Variants in MAPKBP1 observed in about 807,000 individuals in gnomAD.
MAPKBP1 encodes the protein mitogen-activated protein kinase-binding protein 1.
Under a neutral mutation model 170.5 loss-of-function variants are expected in MAPKBP1, and 71 were observed. The ratio of observed to expected loss-of-function variants is 0.42; its 90% CI spans 0.34 to 0.51. The LOEUF (loss-of-function observed/expected upper bound fraction) is 0.51, where lower values mean the gene tolerates loss of function less well. Among genes scored for constraint, MAPKBP1 ranks in the 20% least tolerant of loss-of-function variants. The pLI, the probability that MAPKBP1 is intolerant of heterozygous loss-of-function variation, is 0.06. For missense variants in MAPKBP1, 1,598 were observed against 1,933.0 expected, an observed-to-expected ratio of 0.83 and a Z score of 3.25; for synonymous variants, 719 against 757.9, an observed-to-expected ratio of 0.95 and a Z score of 0.84.
In MAPKBP1 at chr15:41,817,971, A is replaced by G. The variant is rs780926273; in HGVS notation, c.1905-38A>G. 1.9e-6 allele frequency: 3 copies of G among 1,599,846 alleles called. No homozygotes were observed. The highest frequency in any genetic ancestry group is 2.2e-5 in the South Asian group (2 of 90,700). On this transcript the variant is annotated intron_variant, in intron 16 of 30. Transcript: ENST00000457542. This position sits in a 1 kb window ranked among gnomAD's most constrained non-coding sequence, Gnocchi z 4.2. ...CATCCCCCAGGCGTGTTCCACCTTC[A>G]CCGCCTCCTCATGAGAAAGAGACTA...
chr15:41,791,145 A>T (rs1046638835), intron 2 of MAPKBP1, among the ~76,000 whole-genome samples: 1 of 152,210 alleles, frequency 6.6e-6, no homozygotes, highest in Non-Finnish European at 1.5e-5. Context: ...TTTGGCTGGA[A>T]TGACTTACAA....
rs2064878886 is a variant in MAPKBP1, at chr15:41,815,680, G to C, written c.1374G>C (p.Glu458Asp). ...DGNTQALLDTELPGGDKADAS... is the reference protein window; with the variant it reads ...DGNTQALLDTDLPGGDKADAS... ...ACACCCAGGCCCTGCTGGACACAGA[G>C]CTGCCTGGAGGAGACAAAGCTGATG... Residue 458 changes from glutamate (E) to aspartate (D), a missense_variant, in exon 12 of 31, where the codon GAG becomes GAC. Glu to Asp is a conservative substitution (Grantham distance 45). Around this residue, in one of 6 missense-constraint regions of MAPKBP1, gnomAD observed 430 missense variants for 617.2 expected, o/e 0.70. Coordinates refer to ENST00000457542, the MANE Select transcript of MAPKBP1 (RefSeq NM_014994.3). 2.5e-6 allele frequency: 4 copies of C among 1,614,018 alleles called. No individual in the cohort carries two copies. In the South Asian group the frequency reaches 4.4e-5, roughly 18 times the overall value.
chr15:41,821,800 A>G (rs377379452), intron 24 of MAPKBP1, 50 bp downstream of exon 24: 60 of 1,575,118 alleles, frequency 3.8e-5, no homozygotes, highest in African/African-American at 3.6e-4. Context: ...TCCCCTCCCT[A>G]TGAGTGTTCT....
Position 41,822,230 on chromosome 15 carries a change from G to C in MAPKBP1, c.3037G>C (p.Glu1013Gln). ...SSPEHPTEDS[E>Q]STEPLSVDGI... ...TCTCCCCTCCCCACACCCAGACTCT[G>C]AGAGCACGGAGCCCCTCAGTGTGGA... The change falls in exon 26 of 31, where the codon GAG becomes CAG. Residue 1013 changes from glutamate to glutamine, a missense_variant. Coordinates refer to ENST00000457542, the MANE Select transcript of MAPKBP1 (RefSeq NM_014994.3). 1 of 1,612,230 alleles carries C rather than the reference G, an allele frequency of 6.2e-7. No individual in the cohort carries two copies. The highest frequency in any genetic ancestry group is 2.2e-5 in the East Asian group (1 of 44,826).
At position 41,811,617 on chromosome 15, in the gene MAPKBP1, G is replaced by A. The variant is rs1000202086; in HGVS notation, c.328-340G>A. ...TGCTGGGCTCAGGAGGAACGCTTCT[G>A]TCCTGGCGGCGTAGTCTTACTAGGG... is the stretch of plus-strand genomic sequence containing the variant. On this transcript the variant is annotated intron_variant, in intron 5 of 30. Transcript: ENST00000457542. 3 of 616,686 alleles carry A rather than the reference G, an allele frequency of 4.9e-6. No individual in the cohort carries two copies. The African/African-American group carries it at 5.4e-5, about 11-fold the overall frequency. 38.2% of individuals were successfully genotyped at this position (616,686 alleles called of 1,614,324 possible).
intron 2 of MAPKBP1, among the ~76,000 whole-genome samples, chr15:41,796,114 G>T (rs1171042387): frequency 6.6e-6 from 1 of 152,202 alleles, no homozygotes; most frequent in Non-Finnish European, 1.5e-5. Flanking sequence ...GTGAGCCTTT[G>T]CTGATTTCCA....
chr15:41,821,071 G>A lies in MAPKBP1; in HGVS notation c.2718+3G>A. 1.9e-6 allele frequency: 3 copies of A among 1,613,484 alleles called. No individual in the cohort carries two copies. Among genetic ancestry groups the A allele is most frequent in the Non-Finnish European group, 2.5e-6 (3 of 1,179,688 alleles). On this transcript the variant is annotated splice_donor_region_variant and intron_variant, in intron 23 of 30. Transcript: ENST00000457542. ...TTGAGACTTCACTCACTAGCCAGGT[G>A]AGCCTGCTTTCTCCCAGCTCTCTAG...
chr15:41,821,883 C>G, intron 24 of MAPKBP1, 82 bp from the exon 25 acceptor site: 1 of 1,572,608 alleles, frequency 6.4e-7, no homozygotes, highest in Non-Finnish European at 8.7e-7. Flanking sequence ...CATCCCTCAC[C>G]CTGATCACAG....
intron 2 of MAPKBP1, among the ~76,000 whole-genome samples, chr15:41,796,043 G>T (rs190202360): frequency 2.0e-5 from 3 of 152,350 alleles, no homozygotes; most frequent in Non-Finnish European, 4.4e-5. Flanking sequence ...AAACTAAGTG[G>T]CATGGTGGTA....
rs765637153 is a variant in MAPKBP1, at chr15:41,819,549, G to GT, written c.2426-46_2426-45insT. The stretch of plus-strand genomic sequence containing the variant: ...GCCAGGGCTCCAGGGTTGGGTGGCG[G>GT]GGGGGGGGCAGGAGACACTTCCTCT... On this transcript the variant is annotated intron_variant, in intron 21 of 30. Coordinates refer to ENST00000457542, the MANE Select transcript of MAPKBP1 (RefSeq NM_014994.3). 3.0e-4 allele frequency: 430 copies of GT among 1,448,676 alleles called. 8 individuals carry two copies. The highest frequency in any genetic ancestry group is 1.1e-3 in the Middle Eastern group (6 of 5,454). 89.7% of individuals were successfully genotyped at this position (1,448,676 alleles called of 1,614,324 possible). A position where few individuals can be genotyped will look rare whatever the true frequency, so the allele number is the denominator to read the frequency against.
rs1047193776 is a variant in MAPKBP1 at position 41,823,422 on chromosome 15, G to A, written c.3599-25G>A. On this transcript the variant is annotated intron_variant, in intron 28 of 30. Coordinates refer to ENST00000457542, the MANE Select transcript of MAPKBP1 (RefSeq NM_014994.3). ...GGATGCCTTCCTCAACACCTGACCT[G>A]TGTATACCTCTGTCTCCTTTGCAGA... 4 of 1,598,856 alleles carry A rather than the reference G, an allele frequency of 2.5e-6. No homozygotes were observed. The African/African-American group carries it at 4.0e-5, about 16-fold the overall frequency.
intron 2 of MAPKBP1, among the ~76,000 whole-genome samples, chr15:41,794,713 A>G (rs72724166): frequency 0.14 from 20,941 of 152,130 alleles, 1,964 homozygotes; most frequent in Middle Eastern, 0.27. Context: ...TATGCCAGAG[A>G]CTGTTTAAAG....
Position 41,821,064 on chromosome 15 carries a change from GCCAGGTGAGC to G in MAPKBP1, c.2716_2718+7del. The G allele has an allele frequency of 6.2e-7, 1 of 1,613,774 alleles. No individual in the cohort carries two copies. Among genetic ancestry groups the G allele is most frequent in the Non-Finnish European group, 8.5e-7 (1 of 1,179,868 alleles). ...GAGGCCCTTGAGACTTCACTCACTA[GCCAGGTGAGC>G]CTGCTTTCTCCCAGCTCTCTAGAGA... On this transcript the variant is annotated splice_donor_variant and splice_donor_5th_base_variant and coding_sequence_variant and intron_variant, in exon 23 of 31. Coordinates refer to ENST00000457542, the MANE Select transcript of MAPKBP1 (RefSeq NM_014994.3). LOFTEE classifies it high-confidence loss of function.
chr15:41,823,540 C>G lies in MAPKBP1; in HGVS notation c.3692C>G (p.Ala1231Gly). The G allele has an allele frequency of 6.2e-7, 1 of 1,614,192 alleles. No individual in the cohort carries two copies. The highest frequency in any genetic ancestry group is 1.1e-5 in the South Asian group (1 of 91,088). ...AQDGLGSLPPADGRPSRPHSY... is the reference protein window; with the variant it reads ...AQDGLGSLPPGDGRPSRPHSY... ...GATGGTCTGGGCTCCCTGCCCCCAGCTGATGGCCGTCCGTCTCGGCCTCAC... is the reference window on the plus strand; with the variant it reads ...GATGGTCTGGGCTCCCTGCCCCCAGGTGATGGCCGTCCGTCTCGGCCTCAC... Residue 1231 changes from alanine (A) to glycine (G), a missense_variant, in exon 29 of 31, where the codon GCT (alanine) becomes GGT (glycine). Physicochemically the swap from Ala to Gly is moderately conservative, Grantham distance 60. Coordinates refer to ENST00000457542, the MANE Select transcript of MAPKBP1 (RefSeq NM_014994.3).
Position 41,799,721 on chromosome 15 carries a change from C to T in MAPKBP1, c.115-102C>T, listed in dbSNP as rs377307268. On this transcript the variant is annotated intron_variant, in intron 2 of 30. Transcript: ENST00000457542. ...TCCATTCTCCTGAAAACATGGGTGTCTGGAAAGTAGCCAGTGCCTCAGGAT... is the reference window on the plus strand; with the variant it reads ...TCCATTCTCCTGAAAACATGGGTGTTTGGAAAGTAGCCAGTGCCTCAGGAT... 6.1e-6 allele frequency: 5 copies of T among 825,530 alleles called. No homozygotes were observed. The African/African-American group carries it at 6.7e-5, about 11-fold the overall frequency. The allele number at this position is 825,530 out of a possible 1,614,324, so 51.1% of individuals were successfully genotyped here.
chr15:41,783,759 C>T (rs2064229985), intron 2 of MAPKBP1, among the ~76,000 whole-genome samples: 1 of 152,174 alleles, frequency 6.6e-6, no homozygotes, highest in Admixed American at 6.5e-5. Context: ...CCTATAATCC[C>T]AGCACTTTGG....
chr15:41,820,800 T>A, intron 22 of MAPKBP1, 32 bp from the exon 23 acceptor site: 1 of 1,532,508 alleles, frequency 6.5e-7, no homozygotes, highest in Non-Finnish European at 9.0e-7. Context: ...GTGGTTGTTG[T>A]TACTCCTCCC....
intron 3 of MAPKBP1, among the ~76,000 whole-genome samples, chr15:41,801,580 G>T (rs2064594515): frequency 6.6e-6 from 1 of 152,140 alleles, no homozygotes; most frequent in African/African-American, 2.4e-5. Context: ...GGGCCCGGTG[G>T]CTCACGCCTA....
In MAPKBP1 at chr15:41,820,915, T is replaced by G. The variant is rs1028973111; in HGVS notation, c.2565T>G (p.Gly855=). Residue 855 remains glycine, a synonymous_variant, in exon 23 of 31, where the codon GGT becomes GGG. Coordinates refer to ENST00000457542, the MANE Select transcript of MAPKBP1 (RefSeq NM_014994.3). ...GAAGAGGGCGCTGGGTTCAGCCAGGTGTGGAACTGAGCGTTAGATCCATGC... is the reference window on the plus strand; with the variant it reads ...GAAGAGGGCGCTGGGTTCAGCCAGGGGTGGAACTGAGCGTTAGATCCATGC... The part of the protein sequence containing the change: ...PRRRGRWVQP[G]VELSVRSMLD... 1.2e-6 allele frequency: 2 copies of G among 1,614,098 alleles called. No homozygotes were observed. The highest frequency in any genetic ancestry group is 2.7e-5 in the African/African-American group (2 of 74,998).
Sources: gnomAD v4.1 joint callset for allele counts (sites outside exome capture counted in the v4.1 genomes callset) on GRCh38, gnomAD v4.1.1 for gene constraint, gnomAD v4.1.1 regional missense constraint, Gnocchi (gnomAD v3.1) non-coding constraint, MANE v1.5 for transcripts, NCBI Gene and HGNC (gene_info 2026-07-23, HGNC 2026-07-21) for gene names.